The following ABHD12 variants were observed in gnomAD, a reference collection of about 807,000 sequenced individuals.
ABHD12 encodes the protein lysophosphatidylserine lipase ABHD12.
ABHD12 carries 43 observed loss-of-function variants against 58.3 expected under a neutral mutation model. That is an observed-to-expected ratio of 0.74 (90% CI 0.58 to 0.95). ABHD12 has a LOEUF of 0.95. ABHD12 is among the 40% of genes least tolerant of loss of function. The pLI is 0.00. For synonymous variants in ABHD12, 219 were observed against 211.2 expected (o/e 1.04, Z -0.32); for missense variants, 539 against 537.2 (o/e 1.00, Z -0.03).
At chr20:25,386,296 T>C (rs2090089674) in intron 1 of ABHD12, among the ~76,000 whole-genome samples, 1 of 149,214 alleles carries the variant, frequency 6.7e-6, no homozygotes, top group East Asian at 2.1e-4. Context: ...TCTTGCTCTG[T>C]CGCCCAGGCT....
intron 1 of ABHD12, among the ~76,000 whole-genome samples, chr20:25,383,387 G>T (rs6050571): frequency 2.0e-5 from 3 of 152,092 alleles, no homozygotes; most frequent in Non-Finnish European, 4.4e-5. Flanking sequence ...CTGGCCTGTC[G>T]GTTGGGAGTT....
Position 25,300,518 on chromosome 20 carries a change from CT to C in ABHD12, c.*326del. The stretch of plus-strand genomic sequence containing the variant: ...GAGCCCCAAGAGTCCCCTGCCCGGA[CT>C]CCCCCTGTCCAGCTCAGTGCAGCAT... On this transcript the variant is annotated 3_prime_UTR_variant, in exon 13 of 13. Transcript: ENST00000339157. The C allele has an allele frequency of 1.5e-6, 2 of 1,327,186 alleles. No individual in the cohort carries two copies. The highest frequency in any genetic ancestry group is 6.5e-5 in the East Asian group (2 of 30,750). 82.2% of individuals were successfully genotyped at this position (1,327,186 alleles called of 1,614,324 possible). A position where few individuals can be genotyped will look rare whatever the true frequency, so the allele number is the denominator to read the frequency against.
Position 25,390,493 on chromosome 20 carries a change from CGCTCCGCGCGAAGCCTCACCTG to C in ABHD12, c.189_191+19del. 1 of 1,337,654 alleles carries C rather than the reference CGCTCCGCGCGAAGCCTCACCTG, an allele frequency of 7.5e-7. No individual in the cohort carries two copies. Among genetic ancestry groups the C allele is most frequent in the Non-Finnish European group, 9.7e-7 (1 of 1,034,566 alleles). 82.9% of individuals were successfully genotyped at this position (1,337,654 alleles called of 1,614,324 possible). ...GAGGGACCGGCCCCCCCCCCCCCCC[CGCTCCGCGCGAAGCCTCACCTG>C]CCCAGCGCCCGCTTCATTCCCGCGT... On this transcript the variant is annotated splice_donor_variant and splice_donor_5th_base_variant and coding_sequence_variant and intron_variant, in exon 1 of 13. Transcript: ENST00000339157. LOFTEE classifies it high-confidence loss of function.
intron 1 of ABHD12, among the ~76,000 whole-genome samples, chr20:25,364,239 T>C (rs1332949669): frequency 6.6e-6 from 1 of 152,222 alleles, no homozygotes; most frequent in African/African-American, 2.4e-5. Context: ...TAGAAATTTA[T>C]CTTCAGATGA....
rs1387029175 is a variant in ABHD12 at position 25,339,637 on chromosome 20, CA to C, written c.192-287del. 3.5e-6 allele frequency: 5 copies of C among 1,416,902 alleles called. No individual in the cohort carries two copies. In the African/African-American group the frequency reaches 4.3e-5, roughly 12 times the overall value. The allele number at this position is 1,416,902 out of a possible 1,614,324, so 87.8% of individuals were successfully genotyped here. On this transcript the variant is annotated intron_variant, in intron 1 of 12. Transcript: ENST00000339157. ...TTACACTCACCCTTGCAGAAGAATA[CA>C]GCAGAGAAAGCAGACCCCACCATGC...
At chr20:25,334,311 A>G (rs959155016) in intron 2 of ABHD12, among the ~76,000 whole-genome samples, 11 of 151,282 alleles carry the variant, frequency 7.3e-5, no homozygotes, top group Non-Finnish European at 1.3e-4. Flanking sequence ...AAGAGGATAC[A>G]AACAAATGGA....
downstream of ABHD12, among the ~76,000 whole-genome samples, chr20:25,299,708 G>A (rs941089768): frequency 2.0e-5 from 3 of 152,118 alleles, no homozygotes; most frequent in South Asian, 4.1e-4. Context: ...GTGGGTCCCC[G>A]GCTCAGATGG....
At chr20:25,335,784 ACAT>A (rs1310426705) in intron 2 of ABHD12, among the ~76,000 whole-genome samples, 2 of 140,098 alleles carry the variant, frequency 1.4e-5, no homozygotes, top group Admixed American at 7.5e-5. Flanking sequence ...AGGAAGGGGA[ACAT>A]CACACTCTGG....
downstream of ABHD12, chr20:25,296,690 G>A: frequency 1.1e-6 from 1 of 882,380 alleles, no homozygotes. Flanking sequence ...GCAGGGTAAG[G>A]AAGGAATGTG....
At chr20:25,307,244 C>T (rs1490070583) in intron 9 of ABHD12, among the ~76,000 whole-genome samples, 1 of 152,246 alleles carries the variant, frequency 6.6e-6, no homozygotes, top group Non-Finnish European at 1.5e-5. Context: ...CCCGCAGACA[C>T]CAGGGCCGCC....
chr20:25,325,860 C>G (rs919858225), intron 2 of ABHD12, among the ~76,000 whole-genome samples: 3 of 151,994 alleles, frequency 2.0e-5, no homozygotes, highest in African/African-American at 7.2e-5. Context: ...CACCTGAGGT[C>G]AGGAGTTCGA....
Position 25,352,744 on chromosome 20 carries a change from C to T in ABHD12, c.192-13393G>A, listed in dbSNP as rs920110503. On this transcript the variant is annotated intron_variant, in intron 1 of 12. Coordinates refer to ENST00000339157, the MANE Select transcript of ABHD12 (RefSeq NM_001042472.3). ...AGATTTCTCAAAATTAAAATGAATTCTAATTAAAATACATACAGGCCAGGC... is the reference window on the plus strand; with the variant it reads ...AGATTTCTCAAAATTAAAATGAATTTTAATTAAAATACATACAGGCCAGGC... Among the ~76,000 whole-genome samples the T allele has an allele frequency of 2.6e-5, 4 of 152,136 alleles. No individual in the cohort carries two copies. In the East Asian group the frequency reaches 7.8e-4, roughly 29 times the overall value.
intron 1 of ABHD12, among the ~76,000 whole-genome samples, chr20:25,342,985 G>A (rs935108265): frequency 6.6e-6 from 1 of 151,084 alleles, no homozygotes; most frequent in South Asian, 2.1e-4. Flanking sequence ...CGTAGGGACA[G>A]TGTCTCCCTA....
downstream of ABHD12, chr20:25,295,503 A>G (rs962098607): frequency 1.5e-6 from 2 of 1,349,672 alleles, no homozygotes; most frequent in Non-Finnish European, 2.1e-6. Context: ...AGACAGGACC[A>G]GGTGGATGGT....
At chr20:25,308,322 G>T in intron 8 of ABHD12, 135 bp downstream of exon 8, 3 of 1,125,438 alleles carry the variant, frequency 2.7e-6, no homozygotes, top group African/African-American at 1.5e-5. Context: ...GGGAAGGGTG[G>T]CTGGTCAGCC....
intron 1 of ABHD12, among the ~76,000 whole-genome samples, chr20:25,364,087 A>G (rs117221452): frequency 1.5e-3 from 226 of 152,296 alleles, no homozygotes; most frequent in Non-Finnish European, 2.5e-3. Context: ...CCTGATCATC[A>G]GGACAGGTCA....
In ABHD12 at chr20:25,361,136, C is replaced by A. The variant is rs576428542; in HGVS notation, c.192-21785G>T. 3.9e-5 allele frequency among the ~76,000 whole-genome samples: 6 copies of A among 152,336 alleles called. No homozygotes were observed. In the East Asian group the frequency reaches 1.2e-3, roughly 29 times the overall value. ...TAAGCGGCTGCTGAACCTCCAGTCC[C>A]TGGTCCACACTGAAGCTTGCCGTCT... is the stretch of plus-strand genomic sequence containing the variant. On this transcript the variant is annotated intron_variant, in intron 1 of 12. Transcript: ENST00000339157.
intron 1 of ABHD12, among the ~76,000 whole-genome samples, chr20:25,347,056 C>G (rs1236348900): frequency 6.6e-6 from 1 of 152,014 alleles, no homozygotes; most frequent in Non-Finnish European, 1.5e-5. Flanking sequence ...GAGGGTGGTA[C>G]GAGAATGGCA....
intron 1 of ABHD12, among the ~76,000 whole-genome samples, chr20:25,375,776 G>A (rs932998049): frequency 8.5e-5 from 13 of 152,074 alleles, no homozygotes; most frequent in Admixed American, 8.5e-4. Context: ...GTTATTTCCG[G>A]GTAAATTCAG....
Sources: allele counts gnomAD v4.1 joint callset (sites outside exome capture counted in the v4.1 genomes callset), GRCh38; gene constraint gnomAD v4.1.1; transcripts MANE v1.5; gene names NCBI Gene and HGNC (gene_info 2026-07-23, HGNC 2026-07-21).